Variants in CGN observed in about 807,000 individuals in gnomAD.
The protein encoded by CGN is cingulin.
CGN carries 121 observed loss-of-function variants against 157.1 expected under a neutral mutation model. That is an observed-to-expected ratio of 0.77 (90% CI 0.66 to 0.90). The LOEUF is 0.90. Ranked by LOEUF, CGN falls within the 40% of genes least tolerant of loss-of-function variation. The pLI is 0.00. For synonymous variants in CGN, 535 were observed against 607.5 expected, an observed-to-expected ratio of 0.88 and a Z score of 1.76; for missense variants, 1,424 against 1,520.9, an observed-to-expected ratio of 0.94 and a Z score of 1.06.
At position 151,537,492 on chromosome 1, in the gene CGN, A is replaced by T; in HGVS notation, c.*146A>T. 1 of 560,344 alleles carries T rather than the reference A, an allele frequency of 1.8e-6. No homozygotes were observed. The highest frequency in any genetic ancestry group is 3.1e-5 in the East Asian group (1 of 32,378). 34.7% of individuals were successfully genotyped at this position (560,344 alleles called of 1,614,324 possible). ...GGGAGGGGTCAGAGTGATGGTGATA[A>T]AAAAAAAAAATCATCAGCAATAAGC... On this transcript the variant is annotated 3_prime_UTR_variant, in exon 21 of 21. Transcript: ENST00000271636.
chr1:151,520,270 AG>A lies in CGN; in HGVS notation c.974+5del. On this transcript the variant is annotated splice_donor_5th_base_variant and intron_variant, in intron 3 of 20. Transcript: ENST00000271636. ...TCTATGGCATCCTGAGGGAGGGGTGAGTGGGGGCCCCCCCAACAACAGAGGC... is the reference window on the plus strand; with the variant it reads ...TCTATGGCATCCTGAGGGAGGGGTGATGGGGGCCCCCCCAACAACAGAGGC... 1 of 1,611,100 alleles carries A rather than the reference AG, an allele frequency of 6.2e-7. No homozygotes were observed. The highest frequency in any genetic ancestry group is 8.5e-7 in the Non-Finnish European group (1 of 1,177,936).
intron 19 of CGN, 146 bp from the exon 20 acceptor site, chr1:151,536,584 C>G: frequency 1.4e-6 from 1 of 728,284 alleles, no homozygotes; most frequent in South Asian, 1.8e-5. Flanking sequence ...CATTTAATCC[C>G]TAAGACAACC....
At chr1:151,535,706 T>A in intron 17 of CGN, 23 bp downstream of exon 17, 1 of 1,610,990 alleles carries the variant, frequency 6.2e-7, no homozygotes, top group Non-Finnish European at 8.5e-7. Flanking sequence ...GGGAGGATTC[T>A]TAGGGATGGA....
In CGN at chr1:151,537,287, G is replaced by T; in HGVS notation, c.3553G>T (p.Asp1185Tyr). 2 of 1,613,932 alleles carry T rather than the reference G, an allele frequency of 1.2e-6. No individual in the cohort carries two copies. Among genetic ancestry groups the T allele is most frequent in the Non-Finnish European group, 1.7e-6 (2 of 1,179,876 alleles). Residue 1185 changes from aspartate to tyrosine, a missense_variant, in exon 21 of 21, where the codon GAT becomes TAT. Coordinates refer to ENST00000271636, the MANE Select transcript of CGN (RefSeq NM_020770.3). Reference sequence around the variant, plus strand: ...AGATGAGGAATTCGACAGTGTCTACGATCCCTCGTCCATTGCATCACTGCT... The same window carrying T: ...AGATGAGGAATTCGACAGTGTCTACTATCCCTCGTCCATTGCATCACTGCT... ...SSDEEFDSVY[D>Y]PSSIASLLTE... is the part of the protein sequence containing the mutation.
intron 14 of CGN, among the ~76,000 whole-genome samples, 194 bp downstream of exon 14, chr1:151,532,766 C>T (rs1170806472): frequency 2.6e-5 from 4 of 152,088 alleles, no homozygotes; most frequent in East Asian, 3.9e-4. Flanking sequence ...ACTACAGGTG[C>T]CTGCCACCAC....
At chr1:151,532,980 A>G (rs2102502091) in intron 14 of CGN, among the ~76,000 whole-genome samples, 1 of 152,268 alleles carries the variant, frequency 6.6e-6, no homozygotes, top group East Asian at 1.9e-4. Context: ...TTTAGGTCTA[A>G]TGACTTGCAG....
intron 5 of CGN, among the ~76,000 whole-genome samples, chr1:151,521,440 T>G (rs1664540648): frequency 6.6e-6 from 1 of 152,258 alleles, no homozygotes; most frequent in South Asian, 2.1e-4. Flanking sequence ...GGGCAAGTTC[T>G]TTAAATGTTC....
chr1:151,530,178 T>C, intron 12 of CGN, 63 bp downstream of exon 12: 2 of 1,502,026 alleles, frequency 1.3e-6, no homozygotes, highest in South Asian at 2.5e-5. Flanking sequence ...CTATGCTAAG[T>C]AGTTAGCCAT....
In CGN at chr1:151,524,724, G is replaced by A; in HGVS notation, c.1452G>A (p.Gln484=). 1 of 1,609,622 alleles carries A rather than the reference G, an allele frequency of 6.2e-7. No homozygotes were observed. The highest frequency in any genetic ancestry group is 8.5e-7 in the Non-Finnish European group (1 of 1,179,226). Reference sequence around the variant, plus strand: ...TGGAAGAGGTCTTGGAGGGGAAACAGCGAGTAGAGGAGCAGCTGAGGCTGC... The same window carrying A: ...TGGAAGAGGTCTTGGAGGGGAAACAACGAGTAGAGGAGCAGCTGAGGCTGC... ...ELLEEVLEGK[Q]RVEEQLRLRE... Residue 484 remains glutamine (Q), a synonymous_variant, in exon 8 of 21, where the codon CAG becomes CAA. Coordinates refer to ENST00000271636, the MANE Select transcript of CGN (RefSeq NM_020770.3). The surrounding 1 kb of genome is among the most constrained non-coding windows in gnomAD (Gnocchi z 4.4).
intron 13 of CGN, among the ~76,000 whole-genome samples, chr1:151,531,811 A>G (rs1377817102): frequency 6.7e-6 from 1 of 150,210 alleles, no homozygotes; most frequent in Non-Finnish European, 1.5e-5. Flanking sequence ...TGCACATTTT[A>G]TCATTTGTCA....
chr1:151,518,972 C>G lies in CGN; in HGVS notation c.453C>G (p.Asn151Lys). The change falls in exon 2 of 21, where the codon AAC becomes AAG. Residue 151 changes from asparagine (N) to lysine (K), a missense_variant. Physicochemically the swap from Asn to Lys is moderately conservative, Grantham distance 94. This residue lies in a region of CGN where 1,187 missense variants were observed against 1,217.6 expected (regional missense o/e 0.97). Coordinates refer to ENST00000271636, the MANE Select transcript of CGN (RefSeq NM_020770.3). Reference protein sequence around the residue: ...LAGPGPVDPSNRSNSMLELAP... With the variant: ...LAGPGPVDPSKRSNSMLELAP... ...GCCCTGGCCCAGTGGATCCTAGTAA[C>G]AGAAGCAACAGCATGCTGGAGCTAG... The G allele has an allele frequency of 1.2e-6, 2 of 1,614,214 alleles. No homozygotes were observed. The highest frequency in any genetic ancestry group is 1.7e-6 in the Non-Finnish European group (2 of 1,180,028).
rs12075772 is a variant in CGN, at chr1:151,520,864, G to A, written c.1140+173G>A. ...GGAAGGACTTCTGGGGTTCTGTGGGGGTTAGGGAGGCAGAGCACATTAGGA... is the reference window on the plus strand; with the variant it reads ...GGAAGGACTTCTGGGGTTCTGTGGGAGTTAGGGAGGCAGAGCACATTAGGA... On this transcript the variant is annotated intron_variant, in intron 5 of 20. Coordinates refer to ENST00000271636, the MANE Select transcript of CGN (RefSeq NM_020770.3). Among the ~76,000 whole-genome samples, 151 of 152,298 alleles carry A rather than the reference G, an allele frequency of 9.9e-4. 1 individual carries two copies. The highest frequency in any genetic ancestry group is 3.5e-3 in the African/African-American group (147 of 41,568).
chr1:151,520,272 TG>T lies in CGN; in HGVS notation c.974+11del, dbSNP rs1249072587. On this transcript the variant is annotated splice_region_variant and intron_variant, in intron 3 of 20. Coordinates refer to ENST00000271636, the MANE Select transcript of CGN (RefSeq NM_020770.3). ...TATGGCATCCTGAGGGAGGGGTGAG[TG>T]GGGGCCCCCCCAACAACAGAGGCAT... The T allele has an allele frequency of 4.3e-6, 7 of 1,610,502 alleles. No homozygotes were observed. In the Admixed American group the frequency reaches 6.7e-5, roughly 15 times the overall value.
At chr1:151,530,782 G>A (rs1423987200) in intron 13 of CGN, 36 bp downstream of exon 13, 5 of 1,549,820 alleles carry the variant, frequency 3.2e-6, no homozygotes, top group Non-Finnish European at 4.4e-6. Flanking sequence ...TTAGGAAGAG[G>A]CCCAGCTCAT....
chr1:151,530,230 C>A, intron 12 of CGN, 115 bp downstream of exon 12: 1 of 1,163,820 alleles, frequency 8.6e-7, no homozygotes. Context: ...TTTGCCTCCC[C>A]AAACCTGCTC....
intron 6 of CGN, among the ~76,000 whole-genome samples, chr1:151,523,782 C>T (rs1005019284): frequency 5.3e-5 from 8 of 152,220 alleles, no homozygotes; most frequent in African/African-American, 1.9e-4. Flanking sequence ...GGGTTTGCCT[C>T]TGTCTCAGAT....
At chr1:151,532,041 G>A (rs1440816590) in intron 13 of CGN, among the ~76,000 whole-genome samples, 1 of 152,118 alleles carries the variant, frequency 6.6e-6, no homozygotes, top group Non-Finnish European at 1.5e-5. Flanking sequence ...TGCTGAAATG[G>A]TCATTTAAGG....
intron 5 of CGN, 32 bp downstream of exon 5, chr1:151,520,723 A>C (rs1458052569): frequency 6.3e-7 from 1 of 1,579,968 alleles, no homozygotes; most frequent in Non-Finnish European, 8.6e-7. Flanking sequence ...CGGAGGCATG[A>C]AGGAAAACAG....
chr1:151,537,280 T>G lies in CGN; in HGVS notation c.3546T>G (p.Ser1182Arg). 1.2e-6 allele frequency: 2 copies of G among 1,613,996 alleles called. No individual in the cohort carries two copies. Among genetic ancestry groups the G allele is most frequent in the Non-Finnish European group, 1.7e-6 (2 of 1,179,890 alleles). ...TGAGCTCAGATGAGGAATTCGACAG[T>G]GTCTACGATCCCTCGTCCATTGCAT... ...EGLSSDEEFDSVYDPSSIASL... is the reference protein window; with the variant it reads ...EGLSSDEEFDRVYDPSSIASL... The change falls in exon 21 of 21, where the codon AGT (serine) becomes AGG (arginine). Residue 1182 changes from serine to arginine, a missense_variant. Ser to Arg is a moderately radical substitution (Grantham distance 110). Around this residue, in one of 3 missense-constraint regions of CGN, gnomAD observed 38 missense variants for 31.1 expected, o/e 1.22. Coordinates refer to ENST00000271636, the MANE Select transcript of CGN (RefSeq NM_020770.3).
Sources: gnomAD v4.1 joint callset for allele counts (sites outside exome capture counted in the v4.1 genomes callset) on GRCh38, gnomAD v4.1.1 for gene constraint, gnomAD v4.1.1 regional missense constraint, Gnocchi (gnomAD v3.1) non-coding constraint, MANE v1.5 for transcripts, NCBI Gene and HGNC (gene_info 2026-07-23, HGNC 2026-07-21) for gene names.